Variants in TNIK observed in about 807,000 individuals in gnomAD.
The protein encoded by TNIK is TRAF2 and NCK-interacting protein kinase.
Under a neutral mutation model 191.3 loss-of-function variants are expected in TNIK, and 49 were observed. The observed-to-expected ratio is 0.26, with a 90% CI of 0.20 to 0.32. The LOEUF (loss-of-function observed/expected upper bound fraction) is 0.32. TNIK is among the 10% of genes least tolerant of loss of function. The pLI, the probability that TNIK is intolerant of heterozygous loss-of-function variation, is 1.00. For missense variants in TNIK, 1,155 were observed against 1,702.3 expected, an observed-to-expected ratio of 0.68 and a Z score of 5.66; for synonymous variants, 594 against 600.9, an observed-to-expected ratio of 0.99 and a Z score of 0.17.
chr3:171,454,352 C>T (rs1413043613), intron 1 of TNIK, among the ~76,000 whole-genome samples: 5 of 151,976 alleles, frequency 3.3e-5, no homozygotes, highest in South Asian at 4.1e-4. Flanking sequence ...AAAGGCCGAA[C>T]GGGCAAGACT....
intron 15 of TNIK, among the ~76,000 whole-genome samples, chr3:171,129,116 A>G (rs1440173824): frequency 1.3e-5 from 2 of 152,188 alleles, no homozygotes; most frequent in East Asian, 3.9e-4. Context: ...ATCTAGTGTT[A>G]TTCGGTTAGC....
Position 171,348,468 on chromosome 3 carries a change from C to T in TNIK, c.123+21152G>A, listed in dbSNP as rs373539835. Among the ~76,000 whole-genome samples, 9 of 152,108 alleles carry T rather than the reference C, an allele frequency of 5.9e-5. No individual in the cohort carries two copies. In the East Asian group the frequency reaches 7.7e-4, roughly 13 times the overall value. On this transcript the variant is annotated intron_variant, in intron 2 of 32. Transcript: ENST00000436636. Reference sequence around the variant, plus strand: ...AGAGGATGGGGTGGTTACAGGCCAACGAACGTATCCATTAGATGCAGACAG... The same window carrying T: ...AGAGGATGGGGTGGTTACAGGCCAATGAACGTATCCATTAGATGCAGACAG...
At chr3:171,208,401 C>T (rs1740370782) in intron 4 of TNIK, among the ~76,000 whole-genome samples, 1 of 152,086 alleles carries the variant, frequency 6.6e-6, no homozygotes. Flanking sequence ...AATGAAATTA[C>T]TGAAATTACT....
intron 2 of TNIK, among the ~76,000 whole-genome samples, chr3:171,310,113 TAC>T (rs796800579): frequency 3.2e-5 from 2 of 63,260 alleles, no homozygotes; most frequent in African/African-American, 9.2e-5. Context: ...ATAACATACC[TAC>T]TTTTTTAAAA....
intron 17 of TNIK, among the ~76,000 whole-genome samples, chr3:171,124,072 A>G (rs576905764): frequency 1.3e-5 from 2 of 152,334 alleles, no homozygotes; most frequent in East Asian, 3.9e-4. Context: ...ACTCATTGGA[A>G]GTTGCATCAG....
At chr3:171,080,117 G>A (rs1168354242) in intron 27 of TNIK, among the ~76,000 whole-genome samples, 1 of 152,140 alleles carries the variant, frequency 6.6e-6, no homozygotes, top group African/African-American at 2.4e-5. Flanking sequence ...AAATTATACT[G>A]GGCAGGTTTA....
rs10513690 is a variant in TNIK at position 171,061,010 on chromosome 3, G to A, written c.*2871C>T. On this transcript the variant is annotated 3_prime_UTR_variant, in exon 33 of 33. Coordinates refer to ENST00000436636, the MANE Select transcript of TNIK (RefSeq NM_015028.4). ...GACAAAATCACCTATAAAAAGATCA[G>A]AACTGAAGATTTTTTTTGTTGAGAT... 0.097 allele frequency among the ~76,000 whole-genome samples: 14,801 copies of A among 152,072 alleles called. 810 individuals are homozygous for A. The highest frequency in any genetic ancestry group is 0.13 in the Middle Eastern group (39 of 294).
At chr3:171,209,625 A>G (rs1394172581) in intron 4 of TNIK, among the ~76,000 whole-genome samples, 1 of 152,122 alleles carries the variant, frequency 6.6e-6, no homozygotes, top group Admixed American at 6.5e-5. Flanking sequence ...TACATCTATT[A>G]TACATTTAGA....
At chr3:171,383,228 T>C (rs556421180) in intron 1 of TNIK, among the ~76,000 whole-genome samples, 2 of 152,292 alleles carry the variant, frequency 1.3e-5, no homozygotes, top group Admixed American at 1.3e-4. Context: ...ACAAGGTGCC[T>C]ACGTTCACAA....
chr3:171,295,455 G>A (rs770020577), intron 2 of TNIK, among the ~76,000 whole-genome samples: 1 of 152,080 alleles, frequency 6.6e-6, no homozygotes, highest in East Asian at 1.9e-4. Context: ...CCTCCACCAC[G>A]GGAATCTGGG....
At chr3:171,435,570 G>A (rs890407422) in intron 1 of TNIK, among the ~76,000 whole-genome samples, 2 of 152,138 alleles carry the variant, frequency 1.3e-5, no homozygotes, top group Admixed American at 6.5e-5. Flanking sequence ...ATTAAAAATA[G>A]TTTTTGCTTT....
intron 5 of TNIK, among the ~76,000 whole-genome samples, chr3:171,193,521 C>T (rs1401339779): frequency 6.6e-6 from 1 of 152,166 alleles, no homozygotes; most frequent in Non-Finnish European, 1.5e-5. Flanking sequence ...AAGTCATTCA[C>T]ATCAATGTTA....
chr3:171,128,479 T>C (rs1728781221), intron 16 of TNIK, among the ~76,000 whole-genome samples: 1 of 152,184 alleles, frequency 6.6e-6, no homozygotes, highest in Non-Finnish European at 1.5e-5. Context: ...GAGAGGCCAA[T>C]TTAAATAGAA....
In TNIK at chr3:171,157,631, C is replaced by T; in HGVS notation, c.1050G>A (p.Leu350=). Residue 350 remains leucine, a synonymous_variant, in exon 12 of 33, where the codon CTG becomes CTA. Coordinates refer to ENST00000436636, the MANE Select transcript of TNIK (RefSeq NM_015028.4). ...GCTGCAGCCTCAGAAAGTCCCTCCG[C>T]AGCGTCGACTCCCCTGGCAGATTCA... ...SILNLPGEST[L]RRDFLRLQLA... The T allele has an allele frequency of 6.4e-7, 1 of 1,556,230 alleles. No homozygotes were observed. Among genetic ancestry groups the T allele is most frequent in the Non-Finnish European group, 8.7e-7 (1 of 1,149,882 alleles).
chr3:171,222,298 G>A (rs761758913), intron 3 of TNIK, among the ~76,000 whole-genome samples: 26 of 152,056 alleles, frequency 1.7e-4, no homozygotes, highest in Non-Finnish European at 2.9e-4. Flanking sequence ...CATGAGGCTT[G>A]GGCAAGTTTC....
chr3:171,082,451 T>A, intron 26 of TNIK, 57 bp from the exon 27 acceptor site: 1 of 1,569,554 alleles, frequency 6.4e-7, no homozygotes, highest in South Asian at 1.2e-5. Flanking sequence ...ATCTTCTGCA[T>A]CGAGAGTCCC....
At chr3:171,108,373 T>C (rs1290787223) in intron 19 of TNIK, among the ~76,000 whole-genome samples, 2 of 151,722 alleles carry the variant, frequency 1.3e-5, no homozygotes, top group African/African-American at 4.8e-5. Flanking sequence ...CTAGTAACAA[T>C]TAAAAAAAAA....
At chr3:171,108,709 G>GA (rs974709534) in intron 19 of TNIK, among the ~76,000 whole-genome samples, 2 of 152,096 alleles carry the variant, frequency 1.3e-5, no homozygotes, top group African/African-American at 2.4e-5. Context: ...TTTTGTGAGG[G>GA]AAAAAAAATT....
chr3:171,276,553 T>C (rs890730785), intron 2 of TNIK, among the ~76,000 whole-genome samples: 26 of 152,298 alleles, frequency 1.7e-4, no homozygotes, highest in Admixed American at 1.4e-3. Flanking sequence ...TAATGATCAT[T>C]AGCTCCACTA....
Sources: gnomAD v4.1 joint callset for allele counts (sites outside exome capture counted in the v4.1 genomes callset) on GRCh38, gnomAD v4.1.1 for gene constraint, MANE v1.5 for transcripts, NCBI Gene and HGNC (gene_info 2026-07-23, HGNC 2026-07-21) for gene names.